ATP8A2: variants seen among roughly 807,000 people sequenced by gnomAD.
The protein encoded by ATP8A2 is phospholipid-transporting ATPase IB.
ATP8A2 carries 100 observed loss-of-function variants against 165.6 expected under a neutral mutation model. The observed-to-expected ratio is 0.60, with a 90% confidence interval of 0.51 to 0.71. The LOEUF (loss-of-function observed/expected upper bound fraction) is 0.71. Among genes scored for constraint, ATP8A2 ranks in the 30% least tolerant of loss-of-function variants. The pLI, the probability that ATP8A2 is intolerant of heterozygous loss-of-function variation, is 0.00. For missense variants in ATP8A2, 1,227 were observed against 1,479.5 expected, an observed-to-expected ratio of 0.83 and a Z score of 2.80; for synonymous variants, 543 against 548.8, an observed-to-expected ratio of 0.99 and a Z score of 0.15.
chr13:25,868,822 C>A (rs1263669001), intron 33 of ATP8A2, among the ~76,000 whole-genome samples: 1 of 152,098 alleles, frequency 6.6e-6, no homozygotes, highest in African/African-American at 2.4e-5. Context: ...ACAACAAAAG[C>A]ACTTTGGGAG....
chr13:25,727,339 G>C (rs1186709279), intron 25 of ATP8A2, among the ~76,000 whole-genome samples: 1 of 152,156 alleles, frequency 6.6e-6, no homozygotes, highest in Non-Finnish European at 1.5e-5. Context: ...CAAAACATTA[G>C]GTACCACAAA....
intron 25 of ATP8A2, 100 bp downstream of exon 25, chr13:25,699,445 T>A: frequency 1.0e-6 from 1 of 998,592 alleles, no homozygotes; most frequent in Non-Finnish European, 1.4e-6. Context: ...GTTTAAAGTT[T>A]TGTATCTAAA....
At chr13:25,542,973 A>C (rs2038531151) in intron 9 of ATP8A2, among the ~76,000 whole-genome samples, 1 of 152,194 alleles carries the variant, frequency 6.6e-6, no homozygotes, top group Admixed American at 6.5e-5. Flanking sequence ...ACAAATGAGT[A>C]AGCTTTGGTT....
intron 2 of ATP8A2, among the ~76,000 whole-genome samples, chr13:25,495,360 G>A (rs1041246325): frequency 2.0e-5 from 3 of 152,176 alleles, no homozygotes; most frequent in African/African-American, 7.2e-5. Flanking sequence ...GTGGGGTTGT[G>A]AGTCTTGTGT....
intron 6 of ATP8A2, among the ~76,000 whole-genome samples, chr13:25,537,429 G>A (rs577311979): frequency 6.6e-6 from 1 of 152,134 alleles, no homozygotes; most frequent in Non-Finnish European, 1.5e-5. Context: ...GTAAAACAGA[G>A]AAAAATTTAT....
At chr13:25,412,092 A>G (rs2033983446) in intron 1 of ATP8A2, among the ~76,000 whole-genome samples, 1 of 152,202 alleles carries the variant, frequency 6.6e-6, no homozygotes, top group Non-Finnish European at 1.5e-5. Context: ...GTAAACAGAA[A>G]GTTCCTTTGG....
Position 25,769,193 on chromosome 13 carries a change from G to T in ATP8A2, c.2532G>T (p.Met844Ile). 1 of 1,613,678 alleles carries T rather than the reference G, an allele frequency of 6.2e-7. No homozygotes were observed. The highest frequency in any genetic ancestry group is 8.5e-7 in the Non-Finnish European group (1 of 1,179,588). The change falls in exon 26 of 37, where the codon ATG becomes ATT. Residue 844 changes from methionine (M) to isoleucine (I), a missense_variant. Met to Ile is a conservative substitution (Grantham distance 10, BLOSUM62 1). Transcript: ENST00000381655. The stretch of plus-strand genomic sequence containing the variant: ...TGGGAATCAGTGGGAATGAAGGCAT[G>T]CAGGCCACCAACAACTCGGATTACG... ...VGVGISGNEG[M>I]QATNNSDYAI...
At chr13:25,931,068 C>A (rs1954758411) in intron 33 of ATP8A2, among the ~76,000 whole-genome samples, 1 of 152,182 alleles carries the variant, frequency 6.6e-6, no homozygotes, top group South Asian at 2.1e-4. Context: ...ACAGGGTGAG[C>A]CTCCCTAATG....
chr13:25,638,982 C>T (rs1174650232), intron 24 of ATP8A2, among the ~76,000 whole-genome samples: 4 of 152,092 alleles, frequency 2.6e-5, no homozygotes, highest in Admixed American at 1.3e-4. Context: ...ATTTTCAACC[C>T]AGAATTTCAT....
intron 33 of ATP8A2, among the ~76,000 whole-genome samples, chr13:25,936,846 C>T (rs1167843742): frequency 2.0e-5 from 3 of 152,176 alleles, no homozygotes; most frequent in Non-Finnish European, 4.4e-5. Context: ...CCTCAGCTAC[C>T]TGTCCAAGAC....
intron 2 of ATP8A2, among the ~76,000 whole-genome samples, chr13:25,473,415 A>T (rs927296155): frequency 2.0e-5 from 3 of 152,214 alleles, no homozygotes; most frequent in Admixed American, 1.3e-4. Context: ...TCTGGAAATG[A>T]ATAGTAATTA....
At chr13:25,805,560 G>A (rs1950716572) in intron 27 of ATP8A2, among the ~76,000 whole-genome samples, 1 of 152,042 alleles carries the variant, frequency 6.6e-6, no homozygotes, top group Non-Finnish European at 1.5e-5. Context: ...TCTTTTGTCT[G>A]GTTATAATAA....
At chr13:26,013,510 A>C (rs1436761562) in intron 36 of ATP8A2, among the ~76,000 whole-genome samples, 1 of 152,150 alleles carries the variant, frequency 6.6e-6, no homozygotes, top group Non-Finnish European at 1.5e-5. Flanking sequence ...CCTCGTCTCT[A>C]CTAAAAATAC....
At chr13:25,554,944 A>G (rs757621784) in intron 12 of ATP8A2, 47 bp from the exon 13 acceptor site, 1 of 1,139,176 alleles carries the variant, frequency 8.8e-7, no homozygotes, top group Admixed American at 1.9e-5. Context: ...TGAAGAATTA[A>G]TGGTATATAT....
intron 2 of ATP8A2, among the ~76,000 whole-genome samples, chr13:25,480,033 A>G (rs1404520516): frequency 0.011 from 1,612 of 150,352 alleles, 38 homozygotes; most frequent in African/African-American, 0.037. Flanking sequence ...GGTGGTGGCC[A>G]GGCAGAGGGG....
chr13:25,725,285 A>G (rs1434621000), intron 25 of ATP8A2, among the ~76,000 whole-genome samples: 1 of 152,200 alleles, frequency 6.6e-6, no homozygotes, highest in Non-Finnish European at 1.5e-5. Flanking sequence ...GTACAAATGG[A>G]CCCAGAGGTT....
At chr13:25,535,884 T>C (rs375183039) in intron 6 of ATP8A2, among the ~76,000 whole-genome samples, 4 of 151,984 alleles carry the variant, frequency 2.6e-5, no homozygotes, top group Admixed American at 1.3e-4. Context: ...ATTTCTTATG[T>C]ACACAAAACT....
At chr13:25,714,020 C>T (rs1205220992) in intron 25 of ATP8A2, among the ~76,000 whole-genome samples, 1 of 152,112 alleles carries the variant, frequency 6.6e-6, no homozygotes, top group East Asian at 1.9e-4. Context: ...TTCTCTAATG[C>T]TGTAGGCTGA....
intron 24 of ATP8A2, among the ~76,000 whole-genome samples, chr13:25,624,375 G>A (rs2041051105): frequency 6.6e-6 from 1 of 152,128 alleles, no homozygotes; most frequent in African/African-American, 2.4e-5. Flanking sequence ...TACAGAAATG[G>A]CCTCAGCTTG....
Sources: allele counts gnomAD v4.1 joint callset (sites outside exome capture counted in the v4.1 genomes callset), GRCh38; gene constraint gnomAD v4.1.1; transcripts MANE v1.5; gene names NCBI Gene and HGNC (gene_info 2026-07-23, HGNC 2026-07-21).